The following NRXN1 variants were observed in gnomAD, a reference collection of about 807,000 sequenced individuals.
NRXN1 encodes neurexin 1.
A neutral mutation model predicts 150.9 loss-of-function variants in NRXN1; 39 were observed. The ratio of observed to expected loss-of-function variants is 0.26; its 90% confidence interval spans 0.20 to 0.34. The LOEUF (loss-of-function observed/expected upper bound fraction) is 0.34. Among genes scored for constraint, NRXN1 ranks in the 10% least tolerant of loss-of-function variants. The pLI is 1.00. For missense variants in NRXN1, 1,815 were observed against 1,949.9 expected (o/e 0.93, Z 1.30); for synonymous variants, 924 against 757.0 (o/e 1.22, Z -3.62).
At chr2:50,304,238 T>A (rs186718541) in intron 17 of NRXN1, among the ~76,000 whole-genome samples, 58 of 152,264 alleles carry the variant, frequency 3.8e-4, no homozygotes, top group Admixed American at 3.3e-3. Context: ...ACCCAAAATG[T>A]ACCCAGAACT....
chr2:50,866,276 A>T lies in NRXN1; in HGVS notation c.832+55593T>A, dbSNP rs191496680. 6.6e-5 allele frequency among the ~76,000 whole-genome samples: 10 copies of T among 152,054 alleles called. No individual in the cohort carries two copies. The East Asian group carries it at 2.0e-3, about 30-fold the overall frequency. ...TATATCTATATTAGAGTTTCAGTTA[A>T]TGTGAAATAAAATGTATCCTTAGTT... On this transcript the variant is annotated intron_variant, in intron 5 of 22. Coordinates refer to ENST00000401669, the MANE Select transcript of NRXN1 (RefSeq NM_001330078.2).
chr2:50,393,915 T>A (rs1391399096), intron 17 of NRXN1, among the ~76,000 whole-genome samples: 1 of 152,134 alleles, frequency 6.6e-6, no homozygotes, highest in East Asian at 1.9e-4. Flanking sequence ...CACTTTGTTG[T>A]CTCCATGTTG....
intron 18 of NRXN1, among the ~76,000 whole-genome samples, chr2:50,134,000 C>T (rs967406): frequency 1 from 152,226 of 152,230 alleles, 76,111 homozygotes; most frequent in Middle Eastern, 1. Context: ...CTCTTTCACT[C>T]GCCTGGTTAC....
intron 18 of NRXN1, chr2:50,105,210 T>G (rs1030999572): frequency 3.9e-5 from 6 of 152,080 alleles, no homozygotes; most frequent in African/African-American, 1.4e-4. Flanking sequence ...TGATAAGTTT[T>G]CCAAGATGGG....
At chr2:50,955,718 C>T (rs572686413) in intron 2 of NRXN1, among the ~76,000 whole-genome samples, 35 of 152,262 alleles carry the variant, frequency 2.3e-4, no homozygotes, top group African/African-American at 6.7e-4. Context: ...AGTGAAGCTG[C>T]CTTTCTTTTT....
chr2:49,929,558 T>C (rs1450510854), intron 22 of NRXN1, among the ~76,000 whole-genome samples: 1 of 152,190 alleles, frequency 6.6e-6, no homozygotes, highest in Non-Finnish European at 1.5e-5. Context: ...TTGTCTTCCA[T>C]ATTTGTCAAA....
At chr2:50,944,914 T>C (rs1690086871) in intron 2 of NRXN1, among the ~76,000 whole-genome samples, 1 of 152,228 alleles carries the variant, frequency 6.6e-6, no homozygotes, top group African/African-American at 2.4e-5. Context: ...TCATTTACAC[T>C]GATGGTACAA....
chr2:50,818,611 G>A (rs1039276875), intron 5 of NRXN1, among the ~76,000 whole-genome samples: 2 of 151,888 alleles, frequency 1.3e-5, no homozygotes, highest in Admixed American at 6.6e-5. Flanking sequence ...TTAAAACATT[G>A]CTCTTGGCAA....
At chr2:50,836,004 T>C (rs1672054369) in intron 5 of NRXN1, among the ~76,000 whole-genome samples, 1 of 152,204 alleles carries the variant, frequency 6.6e-6, no homozygotes, top group Non-Finnish European at 1.5e-5. Flanking sequence ...TAAACTGTGG[T>C]GCTTGCAAAG....
At chr2:49,968,946 T>C (rs1178927253) in intron 21 of NRXN1, among the ~76,000 whole-genome samples, 1 of 152,096 alleles carries the variant, frequency 6.6e-6, no homozygotes, top group Non-Finnish European at 1.5e-5. Context: ...CTGGCATAGA[T>C]ACAATCATGC....
At chr2:50,650,634 T>C (rs1685480909) in intron 5 of NRXN1, among the ~76,000 whole-genome samples, 1 of 152,032 alleles carries the variant, frequency 6.6e-6, no homozygotes, top group African/African-American at 2.4e-5. Context: ...GTAGGTGCTT[T>C]TCCAAATGCC....
intron 18 of NRXN1, among the ~76,000 whole-genome samples, chr2:50,174,333 C>T (rs942020965): frequency 2.6e-5 from 4 of 151,976 alleles, no homozygotes; most frequent in Admixed American, 6.6e-5. Flanking sequence ...CTTTAGTTTT[C>T]TCAATTCAAA....
Position 50,106,742 on chromosome 2 carries a change from CA to C in NRXN1, c.3547-15249del, listed in dbSNP as rs199613298. Among the ~76,000 whole-genome samples, 254 of 150,642 alleles carry C rather than the reference CA, an allele frequency of 1.7e-3. 1 individual carries two copies. The highest frequency in any genetic ancestry group is 2.5e-3 in the Non-Finnish European group (169 of 67,452). ...CTTTGTGATCACAAGTTATTTTATG[CA>C]AAAAAAACCCTAAAAGAAATTATGA... On this transcript the variant is annotated intron_variant, in intron 18 of 22. Transcript: ENST00000401669.
chr2:50,792,912 T>C (rs1017558627), intron 5 of NRXN1, among the ~76,000 whole-genome samples: 13 of 151,964 alleles, frequency 8.6e-5, no homozygotes, highest in African/African-American at 3.1e-4. Context: ...GCAGAAGAAT[T>C]GAGATTTGAG....
chr2:50,726,581 C>G (rs1167669386), intron 5 of NRXN1, among the ~76,000 whole-genome samples: 1 of 152,236 alleles, frequency 6.6e-6, no homozygotes, highest in African/African-American at 2.4e-5. Context: ...AAAACAGGTG[C>G]TATTATTTCC....
intron 18 of NRXN1, among the ~76,000 whole-genome samples, chr2:50,173,637 G>T (rs751428729): frequency 6.6e-6 from 1 of 152,030 alleles, no homozygotes; most frequent in Non-Finnish European, 1.5e-5. Flanking sequence ...TGCATAACGA[G>T]CCCATTTTTA....
chr2:50,390,742 AC>A (rs1335445556), intron 17 of NRXN1, among the ~76,000 whole-genome samples: 1 of 151,684 alleles, frequency 6.6e-6, no homozygotes, highest in Non-Finnish European at 1.5e-5. Flanking sequence ...TGCTCCCTTG[AC>A]CCCCACCTCC....
rs114218258 is a variant in NRXN1, at chr2:50,282,188, A to T, written c.3365-45218T>A. Reference sequence around the variant, plus strand: ...GGCTGGAAAGATAGGTAGAGCCTGTATCATAAAGAGCTTTATATGCCATGC... The same window carrying T: ...GGCTGGAAAGATAGGTAGAGCCTGTTTCATAAAGAGCTTTATATGCCATGC... On this transcript the variant is annotated intron_variant, in intron 17 of 22. Transcript: ENST00000401669. Among the ~76,000 whole-genome samples the T allele has an allele frequency of 5.0e-3, 765 of 152,320 alleles. 7 individuals carry two copies. The highest frequency in any genetic ancestry group is 0.017 in the African/African-American group (725 of 41,568).
At chr2:50,968,572 T>C (rs1694497668) in intron 2 of NRXN1, among the ~76,000 whole-genome samples, 1 of 152,118 alleles carries the variant, frequency 6.6e-6, no homozygotes, top group Non-Finnish European at 1.5e-5. Context: ...ATTTTGTTTC[T>C]GAAACTAAAT....
Sources: gnomAD v4.1 joint callset for allele counts (sites outside exome capture counted in the v4.1 genomes callset) on GRCh38, gnomAD v4.1.1 for gene constraint, MANE v1.5 for transcripts, NCBI Gene and HGNC (gene_info 2026-07-23, HGNC 2026-07-21) for gene names.